Variants in ATP13A5 observed in about 807,000 individuals in gnomAD.
ATP13A5 encodes the protein ATPase 13A5.
A neutral mutation model predicts 150.2 loss-of-function variants in ATP13A5; 149 were observed. The observed-to-expected ratio is 0.99, with a 90% confidence interval of 0.87 to 1.14. The LOEUF is 1.14. ATP13A5 is among the 50% of genes most tolerant of loss of function. The pLI, the probability that ATP13A5 is intolerant of heterozygous loss-of-function variation, is 0.00. For missense variants in ATP13A5, 1,383 were observed against 1,449.3 expected (o/e 0.95, Z 0.74); for synonymous variants, 497 against 522.2 (o/e 0.95, Z 0.66).
chr3:193,306,168 C>T (rs116777217), intron 22 of ATP13A5, among the ~76,000 whole-genome samples: 2,233 of 150,504 alleles, frequency 0.015, 40 homozygotes, highest in Middle Eastern at 0.024. Flanking sequence ...CTACAGAGTA[C>T]CTGGCGCCAT....
chr3:193,300,876 C>G (rs77394933), intron 24 of ATP13A5, among the ~76,000 whole-genome samples: 2,670 of 152,220 alleles, frequency 0.018, 102 homozygotes, highest in African/African-American at 0.061. Context: ...TGAAAATATT[C>G]CACAATTGGA....
chr3:193,329,897 C>T (rs996804997), intron 12 of ATP13A5, among the ~76,000 whole-genome samples: 1 of 152,182 alleles, frequency 6.6e-6, no homozygotes, highest in African/African-American at 2.4e-5. Flanking sequence ...CCAGTTGCCC[C>T]TGGTGGGATA....
intron 23 of ATP13A5, 69 bp downstream of exon 23, chr3:193,305,490 G>A: frequency 8.1e-7 from 1 of 1,235,602 alleles, no homozygotes. Context: ...GCTTGTAGTT[G>A]AATTCTGTCT....
intron 17 of ATP13A5, among the ~76,000 whole-genome samples, chr3:193,317,330 C>G (rs950286485): frequency 1.3e-5 from 2 of 152,182 alleles, no homozygotes; most frequent in Non-Finnish European, 2.9e-5. Flanking sequence ...ATTTAAGAAC[C>G]ACTAGTGGGA....
intron 22 of ATP13A5, chr3:193,307,094 T>C (rs1718645394): frequency 1.5e-6 from 2 of 1,342,958 alleles, no homozygotes; most frequent in Non-Finnish European, 1.9e-6. Context: ...GGAGTCTAAG[T>C]AGCCTTCCTT....
chr3:193,322,806 A>G (rs1719332615), intron 14 of ATP13A5, among the ~76,000 whole-genome samples: 1 of 152,232 alleles, frequency 6.6e-6, no homozygotes, highest in Admixed American at 6.5e-5. Context: ...TTTAAGAAGT[A>G]ATTGATGGAA....
At chr3:193,355,845 C>A (rs1428663984) in intron 5 of ATP13A5, among the ~76,000 whole-genome samples, 1 of 152,204 alleles carries the variant, frequency 6.6e-6, no homozygotes, top group Non-Finnish European at 1.5e-5. Context: ...TCCATTCTCT[C>A]TCCCTCTCTC....
chr3:193,357,920 A>T (rs1712851743), intron 5 of ATP13A5, among the ~76,000 whole-genome samples: 1 of 152,162 alleles, frequency 6.6e-6, no homozygotes, highest in South Asian at 2.1e-4. Context: ...GATGACTAGG[A>T]GGACTTTCTC....
chr3:193,307,569 C>T (rs1718667686), intron 21 of ATP13A5, among the ~76,000 whole-genome samples, 200 bp from the exon 22 acceptor site: 1 of 152,148 alleles, frequency 6.6e-6, no homozygotes, highest in Non-Finnish European at 1.5e-5. Context: ...TAAGTTGTTT[C>T]AATCAATCAC....
At chr3:193,277,243 G>A (rs111650894) in intron 28 of ATP13A5, among the ~76,000 whole-genome samples, 46 of 152,206 alleles carry the variant, frequency 3.0e-4, no homozygotes, top group Non-Finnish European at 5.1e-4. Context: ...CATTCTTTAA[G>A]GAGGACAGAG....
rs1249214868 is a variant in ATP13A5 at position 193,365,799 on chromosome 3, C to T, written c.64-1519G>A. 2.6e-5 allele frequency among the ~76,000 whole-genome samples: 4 copies of T among 151,916 alleles called. No homozygotes were observed. In the South Asian group the frequency reaches 6.2e-4, roughly 24 times the overall value. On this transcript the variant is annotated intron_variant, in intron 1 of 29. Coordinates refer to ENST00000342358, the MANE Select transcript of ATP13A5 (RefSeq NM_198505.4). ...CAATGAAAATCATAATTCTGGTACCCCTTCAGTTCTCTTCTATACAATGTT... is the reference window on the plus strand; with the variant it reads ...CAATGAAAATCATAATTCTGGTACCTCTTCAGTTCTCTTCTATACAATGTT...
intron 5 of ATP13A5, among the ~76,000 whole-genome samples, chr3:193,355,504 C>T (rs1712748976): frequency 6.6e-6 from 1 of 152,154 alleles, no homozygotes. Flanking sequence ...GATCTTTGGT[C>T]TCACTGAGGT....
intron 28 of ATP13A5, among the ~76,000 whole-genome samples, 177 bp downstream of exon 28, chr3:193,279,189 C>T (rs1024571971): frequency 3.9e-5 from 6 of 152,000 alleles, no homozygotes; most frequent in African/African-American, 1.5e-4. Flanking sequence ...ATATGAAAAC[C>T]ATTAGAGGCC....
chr3:193,367,087 T>A (rs1713264860), intron 1 of ATP13A5, among the ~76,000 whole-genome samples: 1 of 152,018 alleles, frequency 6.6e-6, no homozygotes. Context: ...CTGCAAATCT[T>A]AGTAAAGAGA....
At position 193,279,434 on chromosome 3, in the gene ATP13A5, G is replaced by T; in HGVS notation, c.3247C>A (p.Leu1083Ile). The change falls in exon 28 of 30, where the codon CTA becomes ATA. Residue 1083 changes from leucine to isoleucine, a missense_variant. Physicochemically the swap from Leu to Ile is conservative, Grantham distance 5. Transcript: ENST00000342358. The stretch of plus-strand genomic sequence containing the variant: ...AAAATTGTGAGGCCCAAGGCAGCTA[G>T]CAGCAGAAATGAAAATATATCTGAG... ...YTNYIFSFLLLAALGLTIFIL... is the reference protein window; with the variant it reads ...YTNYIFSFLLIAALGLTIFIL... 6.2e-7 allele frequency: 1 copy of T among 1,613,518 alleles called. No individual in the cohort carries two copies.
chr3:193,343,820 A>C, intron 9 of ATP13A5, 107 bp downstream of exon 9: 1 of 1,329,896 alleles, frequency 7.5e-7, no homozygotes, highest in Non-Finnish European at 1.0e-6. Flanking sequence ...TGTCTCCCTC[A>C]CCTATCTCTG....
chr3:193,374,643 A>ACACACG (rs200054731), intron 1 of ATP13A5, among the ~76,000 whole-genome samples: 998 of 42,646 alleles, frequency 0.023, 13 homozygotes, highest in African/African-American at 0.12. Flanking sequence ...AGACCATGAC[A>ACACACG]CACACACACA....
chr3:193,308,862 T>C lies in ATP13A5; in HGVS notation c.2526-1493A>G, dbSNP rs574406374. On this transcript the variant is annotated intron_variant, in intron 21 of 29. Transcript: ENST00000342358. Reference sequence around the variant, plus strand: ...AGGCATTTGAAAAAGGTAAAATTACTTTCTTCAGCAATATCATGTAATGAT... The same window carrying C: ...AGGCATTTGAAAAAGGTAAAATTACCTTCTTCAGCAATATCATGTAATGAT... 7.5e-4 allele frequency among the ~76,000 whole-genome samples: 115 copies of C among 152,346 alleles called. 2 individuals carry two copies. The South Asian group carries it at 0.024, about 31-fold the overall frequency.
intron 17 of ATP13A5, among the ~76,000 whole-genome samples, chr3:193,318,279 C>G (rs1344355539): frequency 1.3e-5 from 2 of 152,200 alleles, no homozygotes; most frequent in South Asian, 2.1e-4. Context: ...TAGCATTTAT[C>G]AGCAACACAA....
Sources: gnomAD v4.1 joint callset for allele counts (sites outside exome capture counted in the v4.1 genomes callset) on GRCh38, gnomAD v4.1.1 for gene constraint, MANE v1.5 for transcripts, NCBI Gene and HGNC (gene_info 2026-07-23, HGNC 2026-07-21) for gene names.